Variants in PPFIA2 observed in about 807,000 individuals in gnomAD.
PPFIA2 encodes the protein PPFI scaffold protein A2.
PPFIA2 carries 46 observed loss-of-function variants against 175.5 expected under a neutral mutation model. The observed-to-expected ratio is 0.26, with a 90% CI of 0.21 to 0.34. PPFIA2 has a LOEUF of 0.34. Ranked by LOEUF, PPFIA2 falls within the 10% of genes least tolerant of loss-of-function variation. The pLI is 1.00. For synonymous variants in PPFIA2, 568 were observed against 511.4 expected (o/e 1.11, Z -1.49); for missense variants, 1,179 against 1,506.1 (o/e 0.78, Z 3.60).
intron 9 of PPFIA2, among the ~76,000 whole-genome samples, chr12:81,383,451 T>C (rs1174913870): frequency 6.6e-6 from 1 of 152,078 alleles, no homozygotes. Context: ...TTTTAGTAAC[T>C]TAAAGTACTC....
intron 3 of PPFIA2, among the ~76,000 whole-genome samples, chr12:81,713,174 G>T (rs890713050): frequency 1.3e-4 from 20 of 149,126 alleles, no homozygotes; most frequent in African/African-American, 7.5e-5. Context: ...CAGCTTTTTT[G>T]GGGGGGTCTG....
chr12:81,630,618 ACT>A (rs1242950959), intron 4 of PPFIA2, among the ~76,000 whole-genome samples: 2 of 151,954 alleles, frequency 1.3e-5, no homozygotes, highest in African/African-American at 4.8e-5. Context: ...TGTCCTGATG[ACT>A]CTGATAAACT....
At chr12:81,415,613 T>C (rs556423044) in intron 7 of PPFIA2, among the ~76,000 whole-genome samples, 3 of 150,378 alleles carry the variant, frequency 2.0e-5, no homozygotes, top group African/African-American at 7.3e-5. Context: ...ATTTAAAGGG[T>C]TTTTTAAAAA....
rs761734993 is a variant in PPFIA2, at chr12:81,353,304, A to C, written c.1809T>G (p.Thr603=). 1 of 1,613,584 alleles carries C rather than the reference A, an allele frequency of 6.2e-7. No individual in the cohort carries two copies. Among genetic ancestry groups the C allele is most frequent in the Non-Finnish European group, 8.5e-7 (1 of 1,179,690 alleles). ...GGCTGCTTAGTACTCCAATCTGTTG[A>C]GTTCTATTCCACTCGTGATCCCCAA... ...KSLGDHEWNR[T]QQIGVLSSHP... The change falls in exon 17 of 33, where the codon ACT becomes ACG. Residue 603 remains threonine (T), a synonymous_variant. Transcript: ENST00000549396.
intron 22 of PPFIA2, among the ~76,000 whole-genome samples, chr12:81,311,665 G>A (rs991748484): frequency 6.6e-5 from 10 of 150,558 alleles, no homozygotes; most frequent in East Asian, 2.0e-4. Flanking sequence ...CCTGGGAGGC[G>A]GAGCTTGCAG....
intron 4 of PPFIA2, among the ~76,000 whole-genome samples, chr12:81,614,818 G>A (rs2061289148): frequency 6.6e-6 from 1 of 152,008 alleles, no homozygotes; most frequent in African/African-American, 2.4e-5. Flanking sequence ...TTCTAGAATA[G>A]TAATAATAAT....
intron 5 of PPFIA2, among the ~76,000 whole-genome samples, chr12:81,449,556 C>G (rs1250062529): frequency 6.6e-6 from 1 of 151,692 alleles, no homozygotes; most frequent in Non-Finnish European, 1.5e-5. Flanking sequence ...TGGGTGCTCC[C>G]AGGGACCCCG....
intron 4 of PPFIA2, among the ~76,000 whole-genome samples, chr12:81,515,488 T>A (rs2062314645): frequency 6.6e-6 from 1 of 152,056 alleles, no homozygotes; most frequent in Non-Finnish European, 1.5e-5. Flanking sequence ...CTACAATTAT[T>A]TTAGCTTTAT....
At position 81,568,835 on chromosome 12, in the gene PPFIA2, A is replaced by G. The variant is rs1478369828; in HGVS notation, c.303+107956T>C. 2.6e-5 allele frequency among the ~76,000 whole-genome samples: 4 copies of G among 152,180 alleles called. No individual in the cohort carries two copies. In the East Asian group the frequency reaches 7.7e-4, roughly 29 times the overall value. On this transcript the variant is annotated intron_variant, in intron 4 of 32. Transcript: ENST00000549396. Reference sequence around the variant, plus strand: ...ATTCTCTACAGCGTTACTCAGTGTCAGAGGTCAAAAACTACATGGTATAAT... The same window carrying G: ...ATTCTCTACAGCGTTACTCAGTGTCGGAGGTCAAAAACTACATGGTATAAT...
chr12:81,358,552 AT>A, intron 15 of PPFIA2, among the ~76,000 whole-genome samples: 1 of 152,236 alleles, frequency 6.6e-6, no homozygotes, highest in Middle Eastern at 3.4e-3. Flanking sequence ...AATTCTGGCA[AT>A]TTAGTTTGAG....
intron 22 of PPFIA2, among the ~76,000 whole-genome samples, chr12:81,323,998 A>C (rs985861045): frequency 6.6e-6 from 1 of 152,068 alleles, no homozygotes; most frequent in Non-Finnish European, 1.5e-5. Flanking sequence ...GTACTAAGAA[A>C]TGTTAGCCAT....
chr12:81,469,281 G>A (rs946163062), intron 4 of PPFIA2, among the ~76,000 whole-genome samples: 6 of 152,002 alleles, frequency 3.9e-5, no homozygotes, highest in East Asian at 1.9e-4. Flanking sequence ...CTATTTACTC[G>A]ACAAAATTTT....
intron 4 of PPFIA2, among the ~76,000 whole-genome samples, chr12:81,596,308 A>G (rs11114927): frequency 0.24 from 35,870 of 151,904 alleles, 4,533 homozygotes; most frequent in East Asian, 0.32. Context: ...CACCAAAGGC[A>G]AAAACAAATG....
intron 8 of PPFIA2, among the ~76,000 whole-genome samples, chr12:81,402,912 C>G (rs144825079): frequency 2.0e-4 from 31 of 152,244 alleles, no homozygotes; most frequent in African/African-American, 7.2e-4. Flanking sequence ...TTTATTGGAA[C>G]ATCCTGAGAA....
intron 13 of PPFIA2, among the ~76,000 whole-genome samples, chr12:81,367,597 A>T (rs1400474661): frequency 6.6e-6 from 1 of 151,614 alleles, no homozygotes; most frequent in Admixed American, 6.6e-5. Context: ...CATATTTTTT[A>T]AAATTTCACT....
At chr12:81,589,540 G>C (rs1439084334) in intron 4 of PPFIA2, among the ~76,000 whole-genome samples, 1 of 152,020 alleles carries the variant, frequency 6.6e-6, no homozygotes, top group East Asian at 1.9e-4. Flanking sequence ...ATGTTTTCAA[G>C]TTATGGAGAC....
At chr12:81,741,882 G>A (rs2082369187) in intron 3 of PPFIA2, among the ~76,000 whole-genome samples, 1 of 151,998 alleles carries the variant, frequency 6.6e-6, no homozygotes, top group Non-Finnish European at 1.5e-5. Flanking sequence ...TTGGGTGTAT[G>A]AGGAAGAGGG....
intron 3 of PPFIA2, among the ~76,000 whole-genome samples, chr12:81,744,491 C>T (rs1036189712): frequency 6.7e-6 from 1 of 148,768 alleles, no homozygotes; most frequent in Non-Finnish European, 1.5e-5. Context: ...GGCACGATCT[C>T]AGCTCACTGC....
chr12:81,442,643 T>C (rs953010363), intron 6 of PPFIA2, among the ~76,000 whole-genome samples: 1 of 151,140 alleles, frequency 6.6e-6, no homozygotes, highest in Non-Finnish European at 1.5e-5. Flanking sequence ...TGGTCTTAGC[T>C]AATTATGAAT....
Sources: gnomAD v4.1 joint callset for allele counts (sites outside exome capture counted in the v4.1 genomes callset) on GRCh38, gnomAD v4.1.1 for gene constraint, MANE v1.5 for transcripts, NCBI Gene and HGNC (gene_info 2026-07-23, HGNC 2026-07-21) for gene names.